PBX3: variants seen among roughly 807,000 people sequenced by gnomAD.
The protein encoded by PBX3 is pre-B-cell leukemia transcription factor 3.
A neutral mutation model predicts 48.5 loss-of-function variants in PBX3; 14 were observed. The ratio of observed to expected loss-of-function variants is 0.29; its 90% confidence interval spans 0.19 to 0.45. The LOEUF is 0.45. Among genes scored for constraint, PBX3 ranks in the 20% least tolerant of loss-of-function variants. The pLI, the probability that PBX3 is intolerant of heterozygous loss-of-function variation, is 1.00. For missense variants in PBX3, 386 were observed against 546.7 expected, an observed-to-expected ratio of 0.71 and a Z score of 2.93; for synonymous variants, 210 against 200.3, an observed-to-expected ratio of 1.05 and a Z score of -0.41.
intron 2 of PBX3, among the ~76,000 whole-genome samples, chr9:125,910,949 G>A (rs957247599): frequency 2.0e-5 from 3 of 151,874 alleles, no homozygotes; most frequent in African/African-American, 4.8e-5. Context: ...TCATTCTGTT[G>A]GCCTTTTTTT....
intron 2 of PBX3, among the ~76,000 whole-genome samples, chr9:125,834,805 C>G (rs1034691722): frequency 3.3e-5 from 5 of 150,004 alleles, no homozygotes; most frequent in Non-Finnish European, 5.9e-5. Flanking sequence ...CACCTGAGGT[C>G]AGGAGTTTGA....
chr9:125,748,193 G>A, intron 1 of PBX3: 1 of 981,454 alleles, frequency 1.0e-6, no homozygotes, highest in Non-Finnish European at 1.2e-6. Flanking sequence ...GCAGTCGGCC[G>A]GCCTCCTCTG....
rs148818665 is a variant in PBX3, at chr9:125,864,289, A to G, written c.275-51397A>G. ...TTTTTGAGAAGAATTTTGGGAGTCA[A>G]TTATTAGAGTGTACTGCCTGGCTGT... is the stretch of plus-strand genomic sequence containing the variant. On this transcript the variant is annotated intron_variant, in intron 2 of 8. Coordinates refer to ENST00000373489, the MANE Select transcript of PBX3 (RefSeq NM_006195.6). Among the ~76,000 whole-genome samples the G allele has an allele frequency of 2.8e-3, 424 of 152,228 alleles. 2 individuals carry two copies. The highest frequency in any genetic ancestry group is 9.2e-3 in the African/African-American group (384 of 41,526).
chr9:125,780,763 C>T (rs1288548099), intron 2 of PBX3, among the ~76,000 whole-genome samples: 1 of 118,750 alleles, frequency 8.4e-6, no homozygotes, highest in Admixed American at 8.4e-5. Flanking sequence ...GGCGGCTGGC[C>T]GGGCGGGGGG....
At chr9:125,817,000 C>T (rs10986949) in intron 2 of PBX3, among the ~76,000 whole-genome samples, 9,002 of 152,106 alleles carry the variant, frequency 0.059, 612 homozygotes, top group East Asian at 0.17. Flanking sequence ...TCTGTGCATG[C>T]GTAGCTGATC....
At chr9:125,882,892 A>G (rs1283138637) in intron 2 of PBX3, among the ~76,000 whole-genome samples, 1 of 152,232 alleles carries the variant, frequency 6.6e-6, no homozygotes, top group Non-Finnish European at 1.5e-5. Context: ...GAACTCTGAA[A>G]TGATGTATTT....
Position 125,747,397 on chromosome 9 carries a change from C to CGCCGCCGCCTCAGCCTTCGCCTCA in PBX3, c.-47_-24dup. The CGCCGCCGCCTCAGCCTTCGCCTCA allele has an allele frequency of 8.4e-7, 1 of 1,191,558 alleles. No individual in the cohort carries two copies. The highest frequency in any genetic ancestry group is 1.1e-6 in the Non-Finnish European group (1 of 917,422). 73.8% of individuals were successfully genotyped at this position (1,191,558 alleles called of 1,614,324 possible). Reference sequence around the variant, plus strand: ...TCTCCTCCCTCGTCGCCGCCGCCGCCGCCGCCGCCTCAGCCTTCGCCTCAG... The same window carrying CGCCGCCGCCTCAGCCTTCGCCTCA: ...TCTCCTCCCTCGTCGCCGCCGCCGCCGCCGCCGCCTCAGCCTTCGCCTCAGCCGCCGCCTCAGCCTTCGCCTCAG... On this transcript the variant is annotated 5_prime_UTR_variant, in exon 1 of 9. Transcript: ENST00000373489.
At chr9:125,902,373 A>G (rs562457292) in intron 2 of PBX3, among the ~76,000 whole-genome samples, 2 of 151,728 alleles carry the variant, frequency 1.3e-5, no homozygotes, top group Non-Finnish European at 3.0e-5. Context: ...ATCGTAGACA[A>G]TGACTCTGTA....
intron 2 of PBX3, chr9:125,749,356 C>G (rs763161119): frequency 6.6e-6 from 1 of 152,116 alleles, no homozygotes; most frequent in Non-Finnish European, 1.5e-5. Context: ...ACATATTTGG[C>G]AAATTTTTGG....
intron 2 of PBX3, among the ~76,000 whole-genome samples, chr9:125,880,278 C>T (rs1302203951): frequency 3.9e-5 from 6 of 152,184 alleles, no homozygotes; most frequent in African/African-American, 1.2e-4. Flanking sequence ...CTCCTGACCT[C>T]GTGATCCGCC....
At chr9:125,940,598 G>A (rs1179662086) in intron 5 of PBX3, among the ~76,000 whole-genome samples, 1 of 152,142 alleles carries the variant, frequency 6.6e-6, no homozygotes, top group Non-Finnish European at 1.5e-5. Flanking sequence ...CAATGCAAAC[G>A]TCCATCAAGA....
chr9:125,960,878 G>A (rs200524677), intron 6 of PBX3, 29 bp downstream of exon 6: 181 of 1,605,022 alleles, frequency 1.1e-4, no homozygotes, highest in Non-Finnish European at 1.4e-4. Context: ...CTCCCCAACT[G>A]GCCCAGGCAG....
chr9:125,851,095 T>A (rs1383531053), intron 2 of PBX3, among the ~76,000 whole-genome samples: 1 of 152,112 alleles, frequency 6.6e-6, no homozygotes, highest in Non-Finnish European at 1.5e-5. Flanking sequence ...TAAACCATAG[T>A]GCACATCAGT....
intron 2 of PBX3, among the ~76,000 whole-genome samples, chr9:125,852,815 A>C (rs1434346958): frequency 1.3e-5 from 2 of 152,152 alleles, no homozygotes; most frequent in Non-Finnish European, 2.9e-5. Flanking sequence ...TTTAAACACA[A>C]CAGTTAGTAG....
chr9:125,934,589 A>G (rs1012991691), intron 4 of PBX3, among the ~76,000 whole-genome samples: 2 of 152,204 alleles, frequency 1.3e-5, no homozygotes, highest in African/African-American at 4.8e-5. Context: ...CCCCTTCCCA[A>G]CAAAAACAAA....
chr9:125,777,429 C>A (rs1837105392), intron 2 of PBX3, among the ~76,000 whole-genome samples: 1 of 151,620 alleles, frequency 6.6e-6, no homozygotes, highest in South Asian at 2.1e-4. Flanking sequence ...GATCTGGGCT[C>A]ACTGCAACCT....
intron 2 of PBX3, among the ~76,000 whole-genome samples, chr9:125,828,911 G>A (rs1838880751): frequency 6.6e-6 from 1 of 152,196 alleles, no homozygotes; most frequent in Admixed American, 6.5e-5. Flanking sequence ...CAGAACACAT[G>A]CTTCTGCAGC....
At chr9:125,893,702 A>T (rs959199616) in intron 2 of PBX3, among the ~76,000 whole-genome samples, 19 of 152,144 alleles carry the variant, frequency 1.2e-4, no homozygotes, top group African/African-American at 4.3e-4. Context: ...ACATACCTTC[A>T]TTTGTCATGA....
intron 2 of PBX3, among the ~76,000 whole-genome samples, chr9:125,862,777 C>T (rs534393386): frequency 2.2e-4 from 33 of 152,250 alleles, no homozygotes; most frequent in African/African-American, 7.7e-4. Context: ...ATTGAGAACT[C>T]TGAGTCAATA....
Sources: allele counts gnomAD v4.1 joint callset (sites outside exome capture counted in the v4.1 genomes callset), GRCh38; gene constraint gnomAD v4.1.1; transcripts MANE v1.5; gene names NCBI Gene and HGNC (gene_info 2026-07-23, HGNC 2026-07-21).